Variants in NEBL observed in about 807,000 individuals in gnomAD.
NEBL encodes LIM and SH3 protein 2.
A neutral mutation model predicts 140.2 loss-of-function variants in NEBL; 122 were observed. The ratio of observed to expected loss-of-function variants is 0.87; its 90% confidence interval spans 0.75 to 1.01. NEBL has a LOEUF of 1.01. NEBL is among the 50% of genes least tolerant of loss of function. NEBL has a pLI of 0.00. For synonymous variants in NEBL, 436 were observed against 398.9 expected, an observed-to-expected ratio of 1.09 and a Z score of -1.11; for missense variants, 1,365 against 1,231.3, an observed-to-expected ratio of 1.11 and a Z score of -1.62.
rs10828139 is a variant in NEBL at position 20,826,679 on chromosome 10, A to C, written c.1777-140T>G. On this transcript the variant is annotated intron_variant, in intron 17 of 27. Coordinates refer to ENST00000377122, the MANE Select transcript of NEBL (RefSeq NM_006393.3). ...TTATGAGTGCCGGAATTATAGGAAC[A>C]AATTAAATAATCCATTCAGATAATC... 0.34 allele frequency: 236,996 copies of C among 698,768 alleles called. 43,014 individuals carry two copies. Among genetic ancestry groups the C allele is most frequent in the East Asian group, 0.58 (20,942 of 36,288 alleles). 43.3% of individuals were successfully genotyped at this position (698,768 alleles called of 1,614,324 possible).
chr10:21,007,098 C>T (rs150755700), intron 3 of NEBL, among the ~76,000 whole-genome samples: 72 of 151,564 alleles, frequency 4.8e-4, no homozygotes, highest in South Asian at 1.3e-3. Flanking sequence ...AGGAGAAAGC[C>T]GAATGAAATA....
intron 4 of NEBL, among the ~76,000 whole-genome samples, chr10:20,885,802 A>G (rs1846462535): frequency 6.6e-6 from 1 of 152,218 alleles, no homozygotes; most frequent in Admixed American, 6.5e-5. Flanking sequence ...AGTGACCCAC[A>G]TTATCAGCAA....
intron 1 of NEBL, among the ~76,000 whole-genome samples, chr10:21,285,714 C>T (rs1334634712): frequency 1.2e-4 from 18 of 152,198 alleles, no homozygotes; most frequent in Admixed American, 9.8e-4. Flanking sequence ...ATAAGCTGTT[C>T]TACTTCCAGG....
intron 5 of NEBL, among the ~76,000 whole-genome samples, chr10:20,874,137 T>G (rs921465306): frequency 6.6e-6 from 1 of 152,216 alleles, no homozygotes; most frequent in African/African-American, 2.4e-5. Context: ...TAGCTTCTTT[T>G]CACTGAATTT....
At position 20,831,583 on chromosome 10, in the gene NEBL, T is replaced by C. The variant is rs767981910; in HGVS notation, c.1450A>G (p.Lys484Glu). ...AKKAAEIASE[K>E]DYKRDLETEI... Reference sequence around the variant, plus strand: ...GTCTCCAGATCTCTTTTATAGTCTTTCTGCAGAAAATGAAACATACAGTTA... The same window carrying C: ...GTCTCCAGATCTCTTTTATAGTCTTCCTGCAGAAAATGAAACATACAGTTA... Residue 484 changes from lysine (K) to glutamate (E), a missense_variant and splice_region_variant, in exon 15 of 28, where the codon AAA becomes GAA. Lys to Glu is a moderately conservative substitution (Grantham distance 56, BLOSUM62 1). Transcript: ENST00000377122. 1.9e-6 allele frequency: 3 copies of C among 1,586,990 alleles called. No individual in the cohort carries two copies. Among genetic ancestry groups the C allele is most frequent in the South Asian group, 1.1e-5 (1 of 90,484 alleles).
At chr10:21,032,192 C>T (rs1833828533) in intron 2 of NEBL, among the ~76,000 whole-genome samples, 1 of 152,150 alleles carries the variant, frequency 6.6e-6, no homozygotes, top group Non-Finnish European at 1.5e-5. Flanking sequence ...ACAGATTTCC[C>T]ATTTGAGCAG....
chr10:20,973,873 T>C (rs1836683720), intron 3 of NEBL, among the ~76,000 whole-genome samples: 1 of 152,222 alleles, frequency 6.6e-6, no homozygotes, highest in East Asian at 1.9e-4. Flanking sequence ...GAGGAACAGA[T>C]GCAGTTCATC....
chr10:20,944,200 G>A (rs1473611347), intron 4 of NEBL, among the ~76,000 whole-genome samples: 2 of 152,160 alleles, frequency 1.3e-5, no homozygotes, highest in Non-Finnish European at 2.9e-5. Flanking sequence ...TGGAGTTCAA[G>A]ACCAGCCTTG....
rs372593752 is a variant in NEBL at position 21,075,689 on chromosome 10, C to T, written c.165-55488G>A. On this transcript the variant is annotated intron_variant, in intron 2 of 6. Transcript: ENST00000417816. Reference sequence around the variant, plus strand: ...AGCTTCAACAATTGCAGTCATATCACAGGATGCTTGATTTTCTCAAGCTAG... The same window carrying T: ...AGCTTCAACAATTGCAGTCATATCATAGGATGCTTGATTTTCTCAAGCTAG... 2.5e-4 allele frequency among the ~76,000 whole-genome samples: 38 copies of T among 152,314 alleles called. 1 individual carries two copies. In the South Asian group the frequency reaches 7.0e-3, roughly 28 times the overall value.
At chr10:20,891,123 C>T (rs906976079) in intron 2 of NEBL, among the ~76,000 whole-genome samples, 11 of 152,060 alleles carry the variant, frequency 7.2e-5, no homozygotes, top group South Asian at 2.1e-4. Flanking sequence ...CCTGATTTGA[C>T]GGGCATTACT....
rs146906814 is a variant in NEBL, at chr10:20,862,116, T to G, written c.685-2290A>C. On this transcript the variant is annotated intron_variant, in intron 7 of 27. Coordinates refer to ENST00000377122, the MANE Select transcript of NEBL (RefSeq NM_006393.3). ...TACTTGAAGTATGGTTTCTACTAAA[T>G]GTGTATCACTTCCACGCCATGGTAA... Among the ~76,000 whole-genome samples the G allele has an allele frequency of 1.6e-3, 250 of 152,322 alleles. 2 individuals carry two copies. The highest frequency in any genetic ancestry group is 5.6e-3 in the African/African-American group (234 of 41,572).
At chr10:20,852,509 G>T in intron 10 of NEBL, 36 bp downstream of exon 10, 2 of 1,458,582 alleles carry the variant, frequency 1.4e-6, no homozygotes, top group Non-Finnish European at 1.9e-6. Context: ...CGGGTTGCTG[G>T]CAGGGAGGGT....
intron 26 of NEBL, chr10:20,793,384 GGAA>G: frequency 1.0e-6 from 1 of 974,054 alleles, no homozygotes; most frequent in East Asian, 1.1e-4. Flanking sequence ...ACCCTGGAAA[GGAA>G]GGACAGGAGA....
intron 3 of NEBL, among the ~76,000 whole-genome samples, chr10:20,984,088 C>T (rs1156271776): frequency 6.8e-6 from 1 of 147,832 alleles, no homozygotes; most frequent in Non-Finnish European, 1.5e-5. Flanking sequence ...TGAAGTTTTG[C>T]AGGCAAACAT....
intron 3 of NEBL, among the ~76,000 whole-genome samples, chr10:20,979,255 A>T (rs181334535): frequency 5.9e-5 from 9 of 152,272 alleles, no homozygotes; most frequent in Admixed American, 5.2e-4. Flanking sequence ...TTGTCTCTAC[A>T]ATAATAATAA....
intron 3 of NEBL, among the ~76,000 whole-genome samples, chr10:21,004,949 G>A (rs917206389): frequency 3.9e-5 from 6 of 152,170 alleles, no homozygotes; most frequent in Non-Finnish European, 8.8e-5. Context: ...AAGGTCTTTA[G>A]GCATTTCTAT....
chr10:20,861,173 C>T (rs1843659279), intron 7 of NEBL, among the ~76,000 whole-genome samples: 1 of 152,078 alleles, frequency 6.6e-6, no homozygotes, highest in Non-Finnish European at 1.5e-5. Flanking sequence ...ATTCACTCTG[C>T]CTGGTCGTCC....
At chr10:20,971,135 A>C (rs889071092) in intron 3 of NEBL, among the ~76,000 whole-genome samples, 1 of 152,338 alleles carries the variant, frequency 6.6e-6, no homozygotes, top group Non-Finnish European at 1.5e-5. Context: ...TGAAGTCAAA[A>C]ATGGTTTAAG....
chr10:21,167,491 C>T (rs10764308), intron 2 of NEBL, among the ~76,000 whole-genome samples: 29,661 of 152,114 alleles, frequency 0.19, 3,083 homozygotes, highest in East Asian at 0.34. Flanking sequence ...TGCGTCGTTC[C>T]TTGGTGGCAC....
Sources: allele counts gnomAD v4.1 joint callset (sites outside exome capture counted in the v4.1 genomes callset), GRCh38; gene constraint gnomAD v4.1.1; transcripts MANE v1.5; gene names NCBI Gene and HGNC (gene_info 2026-07-23, HGNC 2026-07-21).